Variants in TRAPPC9 observed in about 807,000 individuals in gnomAD.
TRAPPC9 encodes IKK2 binding protein.
TRAPPC9 carries 83 observed loss-of-function variants against 124.0 expected under a neutral mutation model. The observed-to-expected ratio is 0.67, with a 90% CI of 0.56 to 0.80. TRAPPC9 has a LOEUF of 0.80. Among genes scored for constraint, TRAPPC9 ranks in the 30% least tolerant of loss-of-function variants. The pLI is 0.00. For missense variants in TRAPPC9, 1,302 were observed against 1,508.3 expected (o/e 0.86, Z 2.27); for synonymous variants, 638 against 617.5 (o/e 1.03, Z -0.49).
intron 16 of TRAPPC9, among the ~76,000 whole-genome samples, chr8:140,223,344 C>T (rs1263761721): frequency 6.6e-6 from 1 of 152,172 alleles, no homozygotes; most frequent in African/African-American, 2.4e-5. Flanking sequence ...CAGCAATAAA[C>T]AACCTGCTCG....
At chr8:140,418,211 A>G (rs1408141686) in intron 5 of TRAPPC9, among the ~76,000 whole-genome samples, 1 of 152,220 alleles carries the variant, frequency 6.6e-6, no homozygotes, top group Non-Finnish European at 1.5e-5. Context: ...AAAGTATAAT[A>G]AAAAATAAAA....
At chr8:139,781,889 A>T (rs149817959) in intron 21 of TRAPPC9, among the ~76,000 whole-genome samples, 2 of 152,304 alleles carry the variant, frequency 1.3e-5, no homozygotes, top group East Asian at 1.9e-4. Context: ...AAATAGAACA[A>T]AGAACAGTTG....
At position 139,885,485 on chromosome 8, in the gene TRAPPC9, G is replaced by A. The variant is rs117024551; in HGVS notation, c.3055+394C>T. ...ACCCTGTTCTCTTTTGCCATCCCAA[G>A]CCACTCTCAGTTCTGGAAACAGTTG... On this transcript the variant is annotated intron_variant, in intron 21 of 22. Transcript: ENST00000438773. 8.1e-3 allele frequency among the ~76,000 whole-genome samples: 1,228 copies of A among 152,250 alleles called. 4 individuals carry two copies. The highest frequency in any genetic ancestry group is 0.012 in the Non-Finnish European group (825 of 68,018).
At chr8:139,894,516 G>A (rs1830545157) in intron 20 of TRAPPC9, among the ~76,000 whole-genome samples, 2 of 152,216 alleles carry the variant, frequency 1.3e-5, no homozygotes. Context: ...CCTGCGGAGT[G>A]TGAGGGGACT....
intron 17 of TRAPPC9, among the ~76,000 whole-genome samples, chr8:140,029,594 G>A (rs1840375702): frequency 1.3e-5 from 2 of 151,494 alleles, no homozygotes. Context: ...GACATACATT[G>A]TGCACATGTA....
intron 17 of TRAPPC9, among the ~76,000 whole-genome samples, chr8:140,058,365 T>C (rs113951590): frequency 1.5e-4 from 23 of 152,344 alleles, no homozygotes; most frequent in African/African-American, 5.3e-4. Context: ...CCTCCATTGA[T>C]TGGTCTTTCT....
Position 140,097,826 on chromosome 8 carries a change from A to C in TRAPPC9, c.2557-73747T>G, listed in dbSNP as rs761353346. ...CGCTGCTCCCAGGGTCATGACGCCT[A>C]CCCAGGTCCTTAGTGCGTGGCTACA... On this transcript the variant is annotated intron_variant, in intron 17 of 22. Transcript: ENST00000438773. This position sits in a 1 kb window ranked among gnomAD's most constrained non-coding sequence, Gnocchi z 4.2. 3 of 152,102 alleles carry C rather than the reference A, an allele frequency of 2.0e-5. No individual in the cohort carries two copies. The highest frequency in any genetic ancestry group is 2.9e-5 in the Non-Finnish European group (2 of 68,030). The allele number at this position is 152,102 out of a possible 1,614,324, so 9.4% of individuals were successfully genotyped here.
In TRAPPC9 at chr8:139,732,116, T is replaced by C; in HGVS notation, c.3142A>G (p.Thr1048Ala). 6.2e-7 allele frequency: 1 copy of C among 1,607,180 alleles called. No individual in the cohort carries two copies. Among genetic ancestry groups the C allele is most frequent in the Non-Finnish European group, 8.5e-7 (1 of 1,177,420 alleles). Residue 1048 changes from threonine to alanine, a missense_variant, in exon 22 of 23, where the codon ACC becomes GCC. Physicochemically the swap from Thr to Ala is moderately conservative, Grantham distance 58. Coordinates refer to ENST00000438773, the MANE Select transcript of TRAPPC9 (RefSeq NM_001160372.4). The part of the protein sequence containing the change: ...GDPVRLEVRL[T>A]NRSPRSVGPF... ...CCTACGCTGCGCGGGCTCCGGTTGG[T>C]CAGCCGCACCTCCAGGCGCACGGGG...
At chr8:140,379,306 G>A (rs13255328) in intron 7 of TRAPPC9, among the ~76,000 whole-genome samples, 1 of 151,836 alleles carries the variant, frequency 6.6e-6, no homozygotes, top group African/African-American at 2.4e-5. Context: ...GGAGGCTGGT[G>A]CAAGGCTGTC....
chr8:139,855,895 C>A (rs1280797356), intron 21 of TRAPPC9, among the ~76,000 whole-genome samples: 1 of 152,216 alleles, frequency 6.6e-6, no homozygotes, highest in African/African-American at 2.4e-5. Context: ...AAACCTGGGT[C>A]CCCCACAGAA....
chr8:139,741,098 C>T lies in TRAPPC9; in HGVS notation c.3056-8896G>A, dbSNP rs534698659. On this transcript the variant is annotated intron_variant, in intron 21 of 22. Transcript: ENST00000438773. ...CCTGCCCTACCTGCACCCACGGCCT[C>T]CCCCTCCTCCAGCCTGCCCCAGCAG... is the stretch of plus-strand genomic sequence containing the variant. Among the ~76,000 whole-genome samples the T allele has an allele frequency of 4.6e-5, 7 of 152,302 alleles. No homozygotes were observed. In the South Asian group the frequency reaches 1.5e-3, roughly 32 times the overall value.
intron 13 of TRAPPC9, 115 bp downstream of exon 13, chr8:140,287,493 T>A: frequency 7.1e-7 from 1 of 1,405,500 alleles, no homozygotes; most frequent in South Asian, 1.2e-5. Flanking sequence ...AGGTCTTCAT[T>A]ATCTTCTAAC....
At chr8:139,989,031 C>T (rs531766970) in intron 18 of TRAPPC9, among the ~76,000 whole-genome samples, 195 bp from the exon 19 acceptor site, 97 of 152,254 alleles carry the variant, frequency 6.4e-4, no homozygotes, top group African/African-American at 2.2e-3. Context: ...TGGGTGTAGG[C>T]ATCAGGTCCT....
intron 16 of TRAPPC9, among the ~76,000 whole-genome samples, chr8:140,237,921 G>A (rs770473683): frequency 5.3e-5 from 8 of 152,186 alleles, no homozygotes; most frequent in Non-Finnish European, 8.8e-5. Flanking sequence ...GCAGTGACGC[G>A]GACACGAGGA....
At chr8:139,975,744 C>T (rs1836397359) in intron 19 of TRAPPC9, among the ~76,000 whole-genome samples, 1 of 152,100 alleles carries the variant, frequency 6.6e-6, no homozygotes, top group Admixed American at 6.5e-5. Flanking sequence ...AACTTCACCC[C>T]ACTCAAGCTG....
intron 12 of TRAPPC9, among the ~76,000 whole-genome samples, chr8:140,289,174 AGTGTGTGTGTGTGTGTGT>A (rs71320349): frequency 5.1e-4 from 75 of 148,422 alleles, no homozygotes; most frequent in African/African-American, 1.4e-3. Context: ...ATATATATAT[AGTGTGTGTGTGTGTGTGT>A]GTGTGTGTGT....
chr8:140,039,562 T>C (rs1473713125), intron 17 of TRAPPC9, among the ~76,000 whole-genome samples: 1 of 152,258 alleles, frequency 6.6e-6, no homozygotes, highest in African/African-American at 2.4e-5. Flanking sequence ...GTATTTAAAT[T>C]CAAAACCTGT....
intron 17 of TRAPPC9, among the ~76,000 whole-genome samples, chr8:140,212,347 G>C (rs924278075): frequency 1.3e-5 from 2 of 152,184 alleles, no homozygotes; most frequent in Admixed American, 1.3e-4. Context: ...TCTTGAGATG[G>C]CATACATAGT....
intron 2 of TRAPPC9, among the ~76,000 whole-genome samples, chr8:140,439,848 C>A (rs990609546): frequency 1.4e-5 from 2 of 141,200 alleles, no homozygotes; most frequent in African/African-American, 5.0e-5. Context: ...TGTTATATTT[C>A]TTAAGATAGA....
Sources: allele counts gnomAD v4.1 joint callset (sites outside exome capture counted in the v4.1 genomes callset), GRCh38; gene constraint gnomAD v4.1.1; non-coding constraint Gnocchi (gnomAD v3.1); transcripts MANE v1.5; gene names NCBI Gene and HGNC (gene_info 2026-07-23, HGNC 2026-07-21).